The following DDX21 variants were observed in gnomAD, a reference collection of about 807,000 sequenced individuals.
The protein encoded by DDX21 is DExD-box helicase 21.
DDX21 carries 18 observed loss-of-function variants against 90.0 expected under a neutral mutation model. That is an observed-to-expected ratio of 0.20 (90% CI 0.14 to 0.30). The LOEUF (loss-of-function observed/expected upper bound fraction) is 0.30. DDX21 is among the 10% of genes least tolerant of loss of function. DDX21 has a pLI of 1.00. For synonymous variants in DDX21, 294 were observed against 318.0 expected (o/e 0.92, Z 0.80); for missense variants, 673 against 944.5 (o/e 0.71, Z 3.77).
At chr10:68,981,645 T>G (rs1843193430) in intron 14 of DDX21, 64 bp downstream of exon 14, 1 of 1,295,438 alleles carries the variant, frequency 7.7e-7, no homozygotes, top group African/African-American at 1.5e-5. Flanking sequence ...ATTATGAAAA[T>G]AGAGAATAAT....
At position 68,974,734 on chromosome 10, in the gene DDX21, A is replaced by T; in HGVS notation, c.1733A>T (p.Asp578Val). 1 of 1,613,820 alleles carries T rather than the reference A, an allele frequency of 6.2e-7. No individual in the cohort carries two copies. The highest frequency in any genetic ancestry group is 8.5e-7 in the Non-Finnish European group (1 of 1,179,734). The change falls in exon 11 of 15, where the codon GAT becomes GTT. Residue 578 changes from aspartate to valine, a missense_variant. By Grantham distance (152) the Asp-to-Val change is radical (BLOSUM62 -3). Coordinates refer to ENST00000354185, the MANE Select transcript of DDX21 (RefSeq NM_004728.4). ...ATEIIKASSK[D>V]AIRLLDSVPP... ...GAAATAATAAAAGCTTCCAGCAAAG[A>T]TGCCATCAGGTATGTTCCCTACCAC...
chr10:68,982,175 T>C (rs1843201434), intron 14 of DDX21, among the ~76,000 whole-genome samples: 1 of 152,202 alleles, frequency 6.6e-6, no homozygotes, highest in African/African-American at 2.4e-5. Flanking sequence ...GCCTACAGGT[T>C]TTCATAGACA....
At chr10:68,962,864 A>G (rs1000609921) in intron 3 of DDX21, among the ~76,000 whole-genome samples, 1 of 152,326 alleles carries the variant, frequency 6.6e-6, no homozygotes, top group East Asian at 1.9e-4. Flanking sequence ...TTGGATTGCA[A>G]AGCACCAGAT....
chr10:68,980,695 G>A (rs748012017), intron 13 of DDX21, among the ~76,000 whole-genome samples: 3 of 152,050 alleles, frequency 2.0e-5, no homozygotes, highest in Non-Finnish European at 4.4e-5. Flanking sequence ...GATTGGAGAG[G>A]ATGGCACTTA....
In DDX21 at chr10:68,982,599, A is replaced by G. The variant is rs747617026; in HGVS notation, c.2139A>G (p.Glu713=). The G allele has an allele frequency of 6.2e-6, 10 of 1,614,190 alleles. No individual in the cohort carries two copies. The East Asian group carries it at 2.2e-4, about 36-fold the overall frequency. The change falls in exon 15 of 15, where the codon GAA becomes GAG. Residue 713 remains glutamate (E), a synonymous_variant. Transcript: ENST00000354185. ...WQLSVATEQP[E]LEGPREGYGG... ...TCTCTGTGGCCACAGAGCAACCAGAACTGGAAGGACCACGGGAAGGATATG... is the reference window on the plus strand; with the variant it reads ...TCTCTGTGGCCACAGAGCAACCAGAGCTGGAAGGACCACGGGAAGGATATG...
chr10:68,973,799 A>G, intron 10 of DDX21, 135 bp downstream of exon 10: 1 of 1,193,936 alleles, frequency 8.4e-7, no homozygotes, highest in Non-Finnish European at 1.1e-6. Context: ...TGTTAGGTAC[A>G]TATGTTGTCC....
At chr10:68,976,042 T>C (rs1309336343) in intron 11 of DDX21, among the ~76,000 whole-genome samples, 1 of 94,260 alleles carries the variant, frequency 1.1e-5, no homozygotes, top group African/African-American at 4.2e-5. Flanking sequence ...AGAGCAAAAC[T>C]CTGTCTCAAA....
At chr10:68,963,138 T>C (rs7070094) in intron 3 of DDX21, among the ~76,000 whole-genome samples, 153 bp from the exon 4 acceptor site, 5,478 of 152,202 alleles carry the variant, frequency 0.036, 329 homozygotes, top group African/African-American at 0.12. Flanking sequence ...TTAAAAAATA[T>C]ACGTATTTGA....
rs1362743341 is a variant in DDX21, at chr10:68,959,966, C to A, written c.248C>A (p.Pro83Gln). 6.2e-7 allele frequency: 1 copy of A among 1,610,510 alleles called. No homozygotes were observed. Among genetic ancestry groups the A allele is most frequent in the Admixed American group, 1.7e-5 (1 of 59,438 alleles). ...AAAAAGGCAAAAAAGAAAGAGGAGC[C>A]ATCTCAAAATGACATTTCTCCTAAA... ...KSKKAKKKEE[P>Q]SQNDISPKTK... The change falls in exon 2 of 15, where the codon CCA (proline) becomes CAA (glutamine). Residue 83 changes from proline (P) to glutamine (Q), a missense_variant. Physicochemically the swap from Pro to Gln is moderately conservative, Grantham distance 76. Around this residue, in one of 4 missense-constraint regions of DDX21, gnomAD observed 204 missense variants for 221.6 expected, o/e 0.92. Coordinates refer to ENST00000354185, the MANE Select transcript of DDX21 (RefSeq NM_004728.4).
chr10:68,968,416 G>A (rs1169646833), intron 6 of DDX21, among the ~76,000 whole-genome samples: 1 of 152,176 alleles, frequency 6.6e-6, no homozygotes, highest in Non-Finnish European at 1.5e-5. Context: ...ACCTCTGAAA[G>A]CATTGGAATT....
Position 68,983,753 on chromosome 10 carries a change from A to C in DDX21, c.*941A>C, listed in dbSNP as rs1221175493. On this transcript the variant is annotated 3_prime_UTR_variant, in exon 15 of 15. Transcript: ENST00000354185. ...CCACTGGAAATAATCAAATGCAAAA[A>C]GGTAACAAATTCATAACTGGAAAGC... The C allele has an allele frequency of 6.6e-6, 1 of 151,754 alleles. No individual in the cohort carries two copies. The highest frequency in any genetic ancestry group is 6.6e-5 in the Admixed American group (1 of 15,236). 9.4% of individuals were successfully genotyped at this position (151,754 alleles called of 1,614,324 possible). A position where few individuals can be genotyped will look rare whatever the true frequency, so the allele number is the denominator to read the frequency against.
At chr10:68,972,092 T>C (rs950756189) in intron 9 of DDX21, 40 bp downstream of exon 9, 1 of 1,580,426 alleles carries the variant, frequency 6.3e-7, no homozygotes, top group Admixed American at 1.9e-5. Context: ...GTTTTGTTTT[T>C]TTTGGGTATT....
rs956810118 is a variant in DDX21, at chr10:68,956,197, C to G, written c.-29C>G. The stretch of plus-strand genomic sequence containing the variant: ...CTTCCTCTCCACGCGGTTGAGAAGA[C>G]CGGTCGGCCTGGGCAACCTGCGCTG... On this transcript the variant is annotated 5_prime_UTR_variant, in exon 1 of 15. Coordinates refer to ENST00000354185, the MANE Select transcript of DDX21 (RefSeq NM_004728.4). 6 of 1,611,780 alleles carry G rather than the reference C, an allele frequency of 3.7e-6. No individual in the cohort carries two copies. The highest frequency in any genetic ancestry group is 2.2e-5 in the East Asian group (1 of 44,856).
chr10:68,956,820 A>G (rs2132076242), intron 1 of DDX21: 1 of 936,060 alleles, frequency 1.1e-6, no homozygotes, highest in African/African-American at 1.8e-5. Context: ...AGGCGGGCGG[A>G]TCATGAGGTC....
At chr10:68,980,043 C>A (rs1345268099) in intron 13 of DDX21, among the ~76,000 whole-genome samples, 2 of 152,104 alleles carry the variant, frequency 1.3e-5, no homozygotes, top group Non-Finnish European at 2.9e-5. Context: ...GAGTTTGAGA[C>A]CAGCCTGACC....
rs192129649 is a variant in DDX21 at position 68,973,537 on chromosome 10, T to A, written c.1549-8T>A. 98 of 1,613,940 alleles carry A rather than the reference T, an allele frequency of 6.1e-5. No individual in the cohort carries two copies. The highest frequency in any genetic ancestry group is 8.1e-5 in the Non-Finnish European group (95 of 1,179,900). ...GTTTAGTGTTACTCATGTATTTTAC[T>A]TCAATAGGATGTAGAGTCCTACATT... On this transcript the variant is annotated splice_polypyrimidine_tract_variant and splice_region_variant and intron_variant, in intron 9 of 14. Transcript: ENST00000354185.
chr10:68,972,056 T>A lies in DDX21; in HGVS notation c.1548+4T>A, dbSNP rs777320096. Reference sequence around the variant, plus strand: ...TATACAAAGCTCTCCACCAAAGGTATGTGCTTTATGCTTAGATTTTATTTT... The same window carrying A: ...TATACAAAGCTCTCCACCAAAGGTAAGTGCTTTATGCTTAGATTTTATTTT... On this transcript the variant is annotated splice_donor_region_variant and intron_variant, in intron 9 of 14. Coordinates refer to ENST00000354185, the MANE Select transcript of DDX21 (RefSeq NM_004728.4). The A allele has an allele frequency of 6.2e-7, 1 of 1,608,812 alleles. No individual in the cohort carries two copies. Among genetic ancestry groups the A allele is most frequent in the Admixed American group, 1.7e-5 (1 of 58,208 alleles).
chr10:68,978,741 A>C, intron 12 of DDX21, 101 bp from the exon 13 acceptor site: 1 of 1,457,344 alleles, frequency 6.9e-7, no homozygotes, highest in East Asian at 2.3e-5. Flanking sequence ...TGTTTTTAGG[A>C]ATAACTTTTC....
intron 11 of DDX21, among the ~76,000 whole-genome samples, chr10:68,974,993 A>G (rs1843077823): frequency 1.3e-5 from 2 of 150,764 alleles, no homozygotes; most frequent in African/African-American, 4.9e-5. Context: ...TAACCTGTTT[A>G]TCAAAAAAAA....
Sources: gnomAD v4.1 joint callset for allele counts (sites outside exome capture counted in the v4.1 genomes callset) on GRCh38, gnomAD v4.1.1 for gene constraint, gnomAD v4.1.1 regional missense constraint, MANE v1.5 for transcripts, NCBI Gene and HGNC (gene_info 2026-07-23, HGNC 2026-07-21) for gene names.